Variants in TAFA2 observed in about 807,000 individuals in gnomAD.
The protein encoded by TAFA2 is chemokine-like protein TAFA-2.
Under a neutral mutation model 18.8 loss-of-function variants are expected in TAFA2, and 7 were observed. The observed-to-expected ratio is 0.37, with a 90% confidence interval of 0.21 to 0.70. TAFA2 has a LOEUF of 0.70. TAFA2 is among the 30% of genes least tolerant of loss of function. The pLI is 0.53. For missense variants in TAFA2, 122 were observed against 158.1 expected, an observed-to-expected ratio of 0.77 and a Z score of 1.23; for synonymous variants, 60 against 54.2, an observed-to-expected ratio of 1.11 and a Z score of -0.47.
At position 61,864,377 on chromosome 12, in the gene TAFA2, T is replaced by A. The variant is rs1874255428; in HGVS notation, c.106+2943A>T. On this transcript the variant is annotated intron_variant, in intron 2 of 4. Transcript: ENST00000416284. ...ATTTCTATATATATATACCTATATA[T>A]ACCATATAGAAATATATGGTGTGTA... is the stretch of plus-strand genomic sequence containing the variant. Among the ~76,000 whole-genome samples, 3 of 149,058 alleles carry A rather than the reference T, an allele frequency of 2.0e-5. No homozygotes were observed. The Admixed American group carries it at 2.0e-4, about 10-fold the overall frequency.
rs148274160 is a variant in TAFA2, at chr12:62,120,791, T to C, written c.-2+70468A>G. Among the ~76,000 whole-genome samples, 651 of 152,164 alleles carry C rather than the reference T, an allele frequency of 4.3e-3. 6 individuals are homozygous for C. Among genetic ancestry groups the C allele is most frequent in the African/African-American group, 0.015 (618 of 41,556 alleles). ...AGAGTCTCTAGTGGGGTATCCCATC[T>C]AGGCCTTCCATTTCCAATGGCTGCA... is the stretch of plus-strand genomic sequence containing the variant. On this transcript the variant is annotated intron_variant, in intron 1 of 4. Coordinates refer to ENST00000416284, the MANE Select transcript of TAFA2 (RefSeq NM_178539.5).
At chr12:61,935,346 G>A (rs1004208826) in intron 1 of TAFA2, among the ~76,000 whole-genome samples, 2 of 151,922 alleles carry the variant, frequency 1.3e-5, no homozygotes, top group South Asian at 2.1e-4. Flanking sequence ...TATATCTTTG[G>A]AAAATTTTAC....
chr12:61,971,551 AG>A (rs1242445510), intron 1 of TAFA2, among the ~76,000 whole-genome samples: 5 of 151,906 alleles, frequency 3.3e-5, no homozygotes, highest in African/African-American at 1.2e-4. Context: ...GCCATAAAAA[AG>A]GATGAGTTCA....
At chr12:61,904,696 C>A (rs137916868) in intron 1 of TAFA2, among the ~76,000 whole-genome samples, 2 of 152,202 alleles carry the variant, frequency 1.3e-5, no homozygotes, top group East Asian at 1.9e-4. Flanking sequence ...ATGTGGGATT[C>A]CCCCTAGCAA....
intron 1 of TAFA2, among the ~76,000 whole-genome samples, chr12:62,175,749 A>C (rs2062508427): frequency 6.6e-6 from 1 of 152,154 alleles, no homozygotes; most frequent in Admixed American, 6.5e-5. Context: ...ATTCTAAAGC[A>C]CAATCTATAG....
At chr12:61,846,806 T>C (rs1873423289) in intron 2 of TAFA2, among the ~76,000 whole-genome samples, 1 of 152,194 alleles carries the variant, frequency 6.6e-6, no homozygotes, top group Admixed American at 6.5e-5. Flanking sequence ...TACCAAAAAA[T>C]ACAAAGCGAT....
At chr12:61,897,159 T>C (rs1008243825) in intron 1 of TAFA2, among the ~76,000 whole-genome samples, 2 of 152,198 alleles carry the variant, frequency 1.3e-5, no homozygotes, top group African/African-American at 2.4e-5. Context: ...AAACCCCTTG[T>C]TATCTGCAGG....
In TAFA2 at chr12:62,019,440, A is replaced by C. The variant is rs569710104; in HGVS notation, c.-1-152014T>G. Among the ~76,000 whole-genome samples, 7 of 144,820 alleles carry C rather than the reference A, an allele frequency of 4.8e-5. No homozygotes were observed. The East Asian group carries it at 1.2e-3, about 25-fold the overall frequency. ...GGACCCAAATGTCCAACAATGATAG[A>C]CTGGATTAAGAAAATGTGGCACATA... On this transcript the variant is annotated intron_variant, in intron 1 of 4. Coordinates refer to ENST00000416284, the MANE Select transcript of TAFA2 (RefSeq NM_178539.5).
intron 2 of TAFA2, among the ~76,000 whole-genome samples, chr12:61,764,493 G>C (rs1385648158): frequency 1.3e-5 from 2 of 151,970 alleles, no homozygotes; most frequent in African/African-American, 4.8e-5. Flanking sequence ...TCAGGATTGG[G>C]GCTCTCATGT....
At chr12:61,787,198 A>G (rs1870775739) in intron 2 of TAFA2, among the ~76,000 whole-genome samples, 2 of 151,524 alleles carry the variant, frequency 1.3e-5, no homozygotes, top group African/African-American at 4.8e-5. Context: ...TTAGCCAAGA[A>G]TATTATACTC....
chr12:62,215,834 C>T (rs2062733370), intron 1 of TAFA2, among the ~76,000 whole-genome samples: 1 of 150,956 alleles, frequency 6.6e-6, no homozygotes, highest in African/African-American at 2.4e-5. Context: ...TATTTGTAGA[C>T]AGAGAGCTCT....
At chr12:61,951,132 A>C (rs1878450679) in intron 1 of TAFA2, among the ~76,000 whole-genome samples, 1 of 152,142 alleles carries the variant, frequency 6.6e-6, no homozygotes, top group Non-Finnish European at 1.5e-5. Context: ...AGTGAGACCT[A>C]ATAAAAAGAA....
chr12:62,146,606 A>G (rs2062283410), intron 1 of TAFA2, among the ~76,000 whole-genome samples: 2 of 152,070 alleles, frequency 1.3e-5, no homozygotes, highest in Admixed American at 6.5e-5. Flanking sequence ...CCCTATAACG[A>G]TGGCTCTCTT....
At chr12:62,124,977 A>C (rs1452308272) in intron 1 of TAFA2, among the ~76,000 whole-genome samples, 3 of 152,148 alleles carry the variant, frequency 2.0e-5, no homozygotes, top group Admixed American at 6.6e-5. Context: ...TGTTCAAAAA[A>C]AGTACCAAGA....
chr12:61,714,251 C>T (rs2032030145), intron 4 of TAFA2, among the ~76,000 whole-genome samples: 1 of 152,122 alleles, frequency 6.6e-6, no homozygotes, highest in African/African-American at 2.4e-5. Context: ...AGTAAATTTG[C>T]CTTTCCAAAG....
intron 1 of TAFA2, among the ~76,000 whole-genome samples, chr12:62,213,541 G>A (rs1397412638): frequency 6.6e-6 from 1 of 151,748 alleles, no homozygotes; most frequent in African/African-American, 2.4e-5. Flanking sequence ...TGCTCAGGAG[G>A]CTAAGGCAGG....
At chr12:61,782,201 G>A (rs987267098) in intron 2 of TAFA2, among the ~76,000 whole-genome samples, 1 of 151,574 alleles carries the variant, frequency 6.6e-6, no homozygotes, top group African/African-American at 2.4e-5. Flanking sequence ...AATGAGTTCA[G>A]GCCATGATGA....
Position 62,111,721 on chromosome 12 carries a change from G to C in TAFA2, c.-2+79538C>G, listed in dbSNP as rs977326068. Among the ~76,000 whole-genome samples the C allele has an allele frequency of 2.0e-5, 3 of 152,260 alleles. No individual in the cohort carries two copies. The East Asian group carries it at 5.8e-4, about 29-fold the overall frequency. On this transcript the variant is annotated intron_variant, in intron 1 of 4. Coordinates refer to ENST00000416284, the MANE Select transcript of TAFA2 (RefSeq NM_178539.5). ...TATAGTTAGCTCTTCTTGTTGAATT[G>C]ATCCCTTTACCAATGTAATTCCCTT...
chr12:61,893,171 A>C (rs1875705148), intron 1 of TAFA2, among the ~76,000 whole-genome samples: 1 of 152,208 alleles, frequency 6.6e-6, no homozygotes, highest in African/African-American at 2.4e-5. Context: ...GGAAATGCTC[A>C]ACCGAGTCCA....
Sources: gnomAD v4.1 joint callset for allele counts (sites outside exome capture counted in the v4.1 genomes callset) on GRCh38, gnomAD v4.1.1 for gene constraint, MANE v1.5 for transcripts, NCBI Gene and HGNC (gene_info 2026-07-23, HGNC 2026-07-21) for gene names.